Variants in SLC38A8 observed in about 807,000 individuals in gnomAD.
SLC38A8 encodes the protein amino acid transporter SLC38A8.
Under a neutral mutation model 46.0 loss-of-function variants are expected in SLC38A8, and 65 were observed. The ratio of observed to expected loss-of-function variants is 1.41; its 90% CI spans 1.16 to 1.74. SLC38A8 has a LOEUF of 1.74. Among genes scored for constraint, SLC38A8 ranks in the 40% most tolerant of loss-of-function variants. The pLI is 0.00. For missense variants in SLC38A8, 998 were observed against 567.9 expected, an observed-to-expected ratio of 1.76 and a Z score of -7.70; for synonymous variants, 447 against 243.7, an observed-to-expected ratio of 1.83 and a Z score of -7.77.
At chr16:84,011,161 G>C (rs1251070528) in intron 10 of SLC38A8, among the ~76,000 whole-genome samples, 2 of 152,218 alleles carry the variant, frequency 1.3e-5, no homozygotes, top group African/African-American at 2.4e-5. Context: ...TGCGGGGACT[G>C]TGAGGCTAAT....
chr16:84,020,584 C>T (rs2085083886), intron 7 of SLC38A8, among the ~76,000 whole-genome samples: 1 of 152,324 alleles, frequency 6.6e-6, no homozygotes, highest in South Asian at 2.1e-4. Flanking sequence ...CAGCACGAGC[C>T]AGATCAGGGG....
chr16:84,016,603 C>G lies in SLC38A8; in HGVS notation c.1078G>C (p.Ala360Pro), dbSNP rs374578326. 7 of 1,614,006 alleles carry G rather than the reference C, an allele frequency of 4.3e-6. No homozygotes were observed. Among genetic ancestry groups the G allele is most frequent in the South Asian group, 3.3e-5 (3 of 91,092 alleles). Residue 360 changes from alanine (A) to proline (P), a missense_variant, in exon 9 of 11, where the codon GCC (alanine) becomes CCC (proline). By Grantham distance (27) the Ala-to-Pro change is conservative. Transcript: ENST00000299709. The stretch of plus-strand genomic sequence containing the variant: ...AGGTCAGGCATAAACAGCGCCATGG[C>G]GAGCGTCACGGTGACCCACAGGATG... ...LTILWVTVTL[A>P]MALFMPDLSE...
chr16:84,039,521 G>A (rs1164399785), intron 2 of SLC38A8, among the ~76,000 whole-genome samples: 1 of 152,066 alleles, frequency 6.6e-6, no homozygotes, highest in Non-Finnish European at 1.5e-5. Context: ...AAGGCGGGTG[G>A]ATCACCTGAG....
At chr16:84,017,320 G>C in intron 7 of SLC38A8, 33 bp from the exon 8 acceptor site, 5 of 1,610,708 alleles carry the variant, frequency 3.1e-6, no homozygotes, top group East Asian at 2.2e-5. Flanking sequence ...GCCACAGAGT[G>C]GATTAGGAAA....
In SLC38A8 at chr16:84,009,725, C is replaced by T. The variant is rs928849639; in HGVS notation, c.*59G>A. 7.0e-7 allele frequency: 1 copy of T among 1,431,838 alleles called. No homozygotes were observed. Among genetic ancestry groups the T allele is most frequent in the Non-Finnish European group, 9.7e-7 (1 of 1,035,756 alleles). 88.7% of individuals were successfully genotyped at this position (1,431,838 alleles called of 1,614,324 possible). A position where few individuals can be genotyped will look rare whatever the true frequency, so the allele number is the denominator to read the frequency against. On this transcript the variant is annotated 3_prime_UTR_variant, in exon 11 of 11. Transcript: ENST00000299709. ...ATGGCATCGGTCTCCTGGCTGCATACAGCAGCCACGTAGGGTCAGCCCCCG... is the reference window on the plus strand; with the variant it reads ...ATGGCATCGGTCTCCTGGCTGCATATAGCAGCCACGTAGGGTCAGCCCCCG...
intron 3 of SLC38A8, among the ~76,000 whole-genome samples, chr16:84,035,898 T>C (rs1230316809): frequency 3.3e-5 from 5 of 152,222 alleles, no homozygotes; most frequent in African/African-American, 4.8e-5. Flanking sequence ...AAGATTAATA[T>C]GGTTGCAATG....
intron 10 of SLC38A8, 100 bp downstream of exon 10, chr16:84,012,901 G>A: frequency 4.7e-6 from 6 of 1,287,686 alleles, no homozygotes; most frequent in South Asian, 2.6e-5. Context: ...TCACCTGCAG[G>A]ATGCAGAGGA....
intron 5 of SLC38A8, among the ~76,000 whole-genome samples, chr16:84,030,595 C>A (rs117535240): frequency 0.015 from 2,248 of 152,214 alleles, 64 homozygotes; most frequent in Admixed American, 0.062. Context: ...GGGACCCGCC[C>A]TGCTCAGTCC....
chr16:84,032,679 A>G (rs4782581), intron 4 of SLC38A8, among the ~76,000 whole-genome samples: 63,666 of 152,054 alleles, frequency 0.42, 14,440 homozygotes, highest in African/African-American at 0.6. Flanking sequence ...CAGGGCAGAG[A>G]CCTGAGGGAG....
intron 4 of SLC38A8, 113 bp from the exon 5 acceptor site, chr16:84,032,081 C>A: frequency 1.1e-6 from 1 of 888,976 alleles, no homozygotes; most frequent in Non-Finnish European, 1.8e-6. Flanking sequence ...AGGTGCTGGC[C>A]AAGCTGTCCA....
rs1441294436 is a variant in SLC38A8, at chr16:84,016,701, C to G, written c.980G>C (p.Arg327Thr). ...GRSVMQDFWRRSCLGGWGPSA... is the reference protein window; with the variant it reads ...GRSVMQDFWRTSCLGGWGPSA... ...GGGCCCCCATCCCCCCAAGCAGCTCCTCCTCCAGAAGTCCTGCATCACTGA... is the reference window on the plus strand; with the variant it reads ...GGGCCCCCATCCCCCCAAGCAGCTCGTCCTCCAGAAGTCCTGCATCACTGA... Residue 327 changes from arginine (R) to threonine (T), a missense_variant, in exon 9 of 11, where the codon AGG becomes ACG. Arg to Thr is a moderately conservative substitution (Grantham distance 71). Coordinates refer to ENST00000299709, the MANE Select transcript of SLC38A8 (RefSeq NM_001080442.3). 3.1e-6 allele frequency: 5 copies of G among 1,613,172 alleles called. No homozygotes were observed. The highest frequency in any genetic ancestry group is 4.2e-6 in the Non-Finnish European group (5 of 1,179,928).
chr16:84,013,325 C>G lies in SLC38A8; in HGVS notation c.1163-273G>C, dbSNP rs150792599. On this transcript the variant is annotated intron_variant, in intron 9 of 10. Coordinates refer to ENST00000299709, the MANE Select transcript of SLC38A8 (RefSeq NM_001080442.3). Reference sequence around the variant, plus strand: ...AGGCAACCTTGACAACATGCCCCCCCACAGCAGAGTCTATGAGGAGATGGT... The same window carrying G: ...AGGCAACCTTGACAACATGCCCCCCGACAGCAGAGTCTATGAGGAGATGGT... 6.5e-3 allele frequency among the ~76,000 whole-genome samples: 993 copies of G among 152,226 alleles called. 9 individuals are homozygous for G. The highest frequency in any genetic ancestry group is 0.017 in the Middle Eastern group (5 of 294).
At chr16:84,017,560 G>C (rs916246045) in intron 7 of SLC38A8, among the ~76,000 whole-genome samples, 28 of 152,300 alleles carry the variant, frequency 1.8e-4, no homozygotes, top group African/African-American at 6.5e-4. Context: ...CAGTGCGTGT[G>C]TTGACTAGAA....
intron 9 of SLC38A8, among the ~76,000 whole-genome samples, chr16:84,014,904 G>A (rs902233793): frequency 9.2e-5 from 14 of 151,940 alleles, no homozygotes; most frequent in Non-Finnish European, 1.8e-4. Context: ...TGACAAAGTT[G>A]TCACCACCCA....
chr16:84,024,110 C>G (rs555998448), intron 6 of SLC38A8, among the ~76,000 whole-genome samples: 1 of 152,252 alleles, frequency 6.6e-6, no homozygotes, highest in African/African-American at 2.4e-5. Context: ...GCCCCCCTCC[C>G]CCAAGTTGTG....
chr16:84,032,532 AAT>A (rs1190313768), intron 4 of SLC38A8, among the ~76,000 whole-genome samples: 2 of 152,154 alleles, frequency 1.3e-5, no homozygotes, highest in African/African-American at 4.8e-5. Context: ...TGGCAGCTGT[AAT>A]AGTGTTTCCT....
chr16:84,019,033 A>G (rs1246119821), intron 7 of SLC38A8, among the ~76,000 whole-genome samples: 1 of 152,112 alleles, frequency 6.6e-6, no homozygotes, highest in East Asian at 1.9e-4. Context: ...ATGCCTGCAG[A>G]AAGAGTCAAG....
intron 3 of SLC38A8, among the ~76,000 whole-genome samples, chr16:84,035,621 C>T (rs780063950): frequency 6.6e-6 from 1 of 152,188 alleles, no homozygotes; most frequent in East Asian, 1.9e-4. Context: ...AAAAAATAAT[C>T]CAAGTCATAG....
chr16:84,038,964 G>A (rs924422453), intron 2 of SLC38A8, among the ~76,000 whole-genome samples: 1 of 152,200 alleles, frequency 6.6e-6, no homozygotes, highest in African/African-American at 2.4e-5. Flanking sequence ...AACAGTTTTT[G>A]CAGATGTCCA....
Sources: allele counts gnomAD v4.1 joint callset (sites outside exome capture counted in the v4.1 genomes callset), GRCh38; gene constraint gnomAD v4.1.1; transcripts MANE v1.5; gene names NCBI Gene and HGNC (gene_info 2026-07-23, HGNC 2026-07-21).